Variants in ASAP1 observed in about 807,000 individuals in gnomAD.
The protein encoded by ASAP1 is arf-GAP with SH3 domain, ANK repeat and PH domain-containing protein 1.
In ASAP1, 43 loss-of-function variants were observed where a neutral mutation model predicts 145.2. That is an observed-to-expected ratio of 0.30 (90% CI 0.23 to 0.38). The LOEUF is 0.38. ASAP1 is among the 10% of genes least tolerant of loss of function. ASAP1 has a pLI of 1.00. For synonymous variants in ASAP1, 546 were observed against 515.5 expected (o/e 1.06, Z -0.80); for missense variants, 1,018 against 1,355.3 (o/e 0.75, Z 3.91).
intron 25 of ASAP1, among the ~76,000 whole-genome samples, chr8:130,091,399 G>C (rs945878242): frequency 1.3e-5 from 2 of 152,202 alleles, no homozygotes; most frequent in African/African-American, 4.8e-5. Context: ...AGAGTTCCAG[G>C]GAGTGGGAGG....
intron 3 of ASAP1, among the ~76,000 whole-genome samples, chr8:130,250,831 T>G (rs559244415): frequency 3.9e-5 from 6 of 152,212 alleles, no homozygotes; most frequent in Admixed American, 3.9e-4. Context: ...TTCTGAGAGA[T>G]GCTGGAAAGT....
intron 24 of ASAP1, among the ~76,000 whole-genome samples, chr8:130,094,275 A>T (rs1333422935): frequency 6.6e-6 from 1 of 152,168 alleles, no homozygotes; most frequent in Non-Finnish European, 1.5e-5. Flanking sequence ...CAGTGGCAAG[A>T]TCACAGCTCA....
intron 2 of ASAP1, among the ~76,000 whole-genome samples, chr8:130,377,322 C>T (rs1332346715): frequency 6.6e-6 from 1 of 152,070 alleles, no homozygotes; most frequent in East Asian, 1.9e-4. Context: ...CACAAATCAC[C>T]ACTAAATACC....
intron 5 of ASAP1, among the ~76,000 whole-genome samples, chr8:130,201,576 G>A (rs1181262789): frequency 6.6e-6 from 1 of 152,198 alleles, no homozygotes; most frequent in Non-Finnish European, 1.5e-5. Context: ...ATTATCTGCA[G>A]CATCTGATTT....
chr8:130,080,478 CTTTTT>C (rs398047411), intron 25 of ASAP1, among the ~76,000 whole-genome samples: 1 of 71,182 alleles, frequency 1.4e-5, no homozygotes, highest in Non-Finnish European at 3.0e-5. Flanking sequence ...CATTCTCTCT[CTTTTT>C]TTTTTTTTTT....
At chr8:130,334,921 A>G (rs993336651) in intron 3 of ASAP1, among the ~76,000 whole-genome samples, 4 of 152,200 alleles carry the variant, frequency 2.6e-5, no homozygotes, top group African/African-American at 7.2e-5. Flanking sequence ...ATCCAAATAC[A>G]TATCAGACCT....
chr8:130,443,405 C>T (rs1489346775), intron 1 of ASAP1, 55 bp downstream of exon 1: 1 of 151,264 alleles, frequency 6.6e-6, no homozygotes, highest in African/African-American at 2.4e-5. Flanking sequence ...GCGCCCGCGA[C>T]TGTGGGCGAC....
chr8:130,239,451 T>A (rs184666674), intron 3 of ASAP1, among the ~76,000 whole-genome samples: 2 of 152,206 alleles, frequency 1.3e-5, no homozygotes, highest in East Asian at 3.9e-4. Flanking sequence ...GTGGCTGAGC[T>A]GGAATTTGAA....
At chr8:130,371,750 G>A (rs1190976747) in intron 2 of ASAP1, among the ~76,000 whole-genome samples, 4 of 152,128 alleles carry the variant, frequency 2.6e-5, no homozygotes, top group Non-Finnish European at 5.9e-5. Flanking sequence ...AAAAGGCTTG[G>A]GCTCCTGATA....
At chr8:130,114,540 T>C (rs2097551731) in intron 23 of ASAP1, among the ~76,000 whole-genome samples, 1 of 152,136 alleles carries the variant, frequency 6.6e-6, no homozygotes, top group African/African-American at 2.4e-5. Context: ...GTGCAGTAGG[T>C]TGGTTTATAC....
chr8:130,438,496 C>T (rs542633804), intron 1 of ASAP1, among the ~76,000 whole-genome samples: 8 of 152,142 alleles, frequency 5.3e-5, no homozygotes, highest in Admixed American at 3.3e-4. Context: ...TGTAGGGATG[C>T]GTGCTGTGCT....
At chr8:130,237,304 T>C (rs1322159589) in intron 3 of ASAP1, among the ~76,000 whole-genome samples, 1 of 152,084 alleles carries the variant, frequency 6.6e-6, no homozygotes, top group Non-Finnish European at 1.5e-5. Flanking sequence ...AAGGCTTGGA[T>C]TCTTTCATGC....
chr8:130,097,126 CA>C (rs61591724), intron 24 of ASAP1, among the ~76,000 whole-genome samples: 480 of 53,424 alleles, frequency 9.0e-3, no homozygotes, highest in African/African-American at 0.013. Context: ...AGTTAGTCTC[CA>C]AAAAAAAAAA....
intron 3 of ASAP1, among the ~76,000 whole-genome samples, chr8:130,302,519 TAGAG>T (rs999787574): frequency 2.0e-5 from 3 of 152,132 alleles, no homozygotes; most frequent in Non-Finnish European, 4.4e-5. Context: ...GAAGAACAGA[TAGAG>T]AGGGCAGGCC....
At chr8:130,401,840 TC>T in intron 2 of ASAP1, 44 bp downstream of exon 2, 1 of 1,579,194 alleles carries the variant, frequency 6.3e-7, no homozygotes. Flanking sequence ...CCGCTGTATC[TC>T]CCACGCCGAG....
intron 13 of ASAP1, among the ~76,000 whole-genome samples, chr8:130,147,283 A>G (rs1412779454): frequency 6.6e-6 from 1 of 152,060 alleles, no homozygotes; most frequent in Non-Finnish European, 1.5e-5. Context: ...GAGAAGTAGT[A>G]ATACTAATAG....
chr8:130,326,359 C>T (rs1824329705), intron 3 of ASAP1, among the ~76,000 whole-genome samples: 1 of 152,328 alleles, frequency 6.6e-6, no homozygotes, highest in South Asian at 2.1e-4. Flanking sequence ...AATGTAAGGG[C>T]CACACTTTCC....
chr8:130,209,146 G>C (rs1266144905), intron 5 of ASAP1, among the ~76,000 whole-genome samples: 2 of 151,986 alleles, frequency 1.3e-5, no homozygotes, highest in Admixed American at 1.3e-4. Flanking sequence ...GTGTACAAAG[G>C]ACTTTGCAGG....
At chr8:130,341,415 T>C (rs531577235) in intron 3 of ASAP1, among the ~76,000 whole-genome samples, 1 of 152,316 alleles carries the variant, frequency 6.6e-6, no homozygotes, top group African/African-American at 2.4e-5. Flanking sequence ...GGCAGAGACT[T>C]GGAGACTTGA....
Sources: allele counts gnomAD v4.1 joint callset (sites outside exome capture counted in the v4.1 genomes callset), GRCh38; gene constraint gnomAD v4.1.1; transcripts MANE v1.5; gene names NCBI Gene and HGNC (gene_info 2026-07-23, HGNC 2026-07-21).